CCDC178: variants seen among roughly 807,000 people sequenced by gnomAD.
CCDC178 encodes the protein coiled-coil domain containing 178, also known as coiled-coil domain-containing protein 178.
Under a neutral mutation model 117.4 loss-of-function variants are expected in CCDC178, and 126 were observed. The observed-to-expected ratio is 1.07, with a 90% CI of 0.93 to 1.24. The LOEUF (loss-of-function observed/expected upper bound fraction) is 1.24, where lower values mean the gene tolerates loss of function less well. CCDC178 is among the 50% of genes most tolerant of loss of function. The probability of loss-of-function intolerance (pLI) is 0.00; values close to 1 mark genes in which losing one functional copy is unlikely to be tolerated. For missense variants in CCDC178, 1,030 were observed against 986.9 expected (o/e 1.04, Z -0.59); for synonymous variants, 283 against 313.4 (o/e 0.90, Z 1.02).
At chr18:33,025,844 C>T (rs1189138808) in intron 21 of CCDC178, among the ~76,000 whole-genome samples, 1 of 152,110 alleles carries the variant, frequency 6.6e-6, no homozygotes, top group Non-Finnish European at 1.5e-5. Flanking sequence ...CACTTAATTA[C>T]CATATGACCA....
At chr18:33,285,498 A>G (rs987655765) in intron 12 of CCDC178, among the ~76,000 whole-genome samples, 2 of 152,196 alleles carry the variant, frequency 1.3e-5, no homozygotes, top group African/African-American at 4.8e-5. Context: ...TCCTGATAAG[A>G]GCATCTATCA....
At chr18:33,297,029 A>G (rs907586416) in intron 11 of CCDC178, among the ~76,000 whole-genome samples, 1 of 152,196 alleles carries the variant, frequency 6.6e-6, no homozygotes, top group Non-Finnish European at 1.5e-5. Context: ...ATCTCAAATA[A>G]TAAACAAATA....
chr18:32,989,994 A>G (rs752044944), intron 21 of CCDC178, among the ~76,000 whole-genome samples: 1 of 152,180 alleles, frequency 6.6e-6, no homozygotes, highest in Non-Finnish European at 1.5e-5. Flanking sequence ...CACTGGAAAT[A>G]CATTGTTCGC....
chr18:33,262,221 T>C (rs1383106507), intron 14 of CCDC178, among the ~76,000 whole-genome samples: 1 of 152,202 alleles, frequency 6.6e-6, no homozygotes, highest in African/African-American at 2.4e-5. Flanking sequence ...ATTTGCCTGA[T>C]AATTTAAAGT....
intron 9 of CCDC178, among the ~76,000 whole-genome samples, chr18:33,341,282 A>G (rs549479642): frequency 6.6e-6 from 1 of 152,236 alleles, no homozygotes. Context: ...CCCAATACCC[A>G]TACCTCCATT....
chr18:33,011,039 G>C (rs2055852951), intron 21 of CCDC178, among the ~76,000 whole-genome samples: 1 of 152,062 alleles, frequency 6.6e-6, no homozygotes, highest in Non-Finnish European at 1.5e-5. Context: ...TTTGGATTTA[G>C]GTCAGGCACC....
intron 16 of CCDC178, among the ~76,000 whole-genome samples, chr18:33,225,733 G>A (rs764280643): frequency 7.2e-5 from 11 of 152,190 alleles, no homozygotes; most frequent in Non-Finnish European, 1.2e-4. Flanking sequence ...AGAAATAAAT[G>A]AGGAAGTTTA....
At chr18:33,328,602 A>C (rs559917566) in intron 10 of CCDC178, among the ~76,000 whole-genome samples, 78 of 152,304 alleles carry the variant, frequency 5.1e-4, no homozygotes, top group Middle Eastern at 6.8e-3. Flanking sequence ...GCACCTTGTT[A>C]AAAATCAATT....
At chr18:33,178,305 G>T (rs2058687841) in intron 20 of CCDC178, among the ~76,000 whole-genome samples, 1 of 152,056 alleles carries the variant, frequency 6.6e-6, no homozygotes. Context: ...AGTGACTAAG[G>T]TTTCAGCAAA....
chr18:33,168,959 A>T (rs1445335320), intron 20 of CCDC178, among the ~76,000 whole-genome samples: 1 of 152,170 alleles, frequency 6.6e-6, no homozygotes, highest in African/African-American at 2.4e-5. Context: ...TTTGACAGCT[A>T]TTGTTCAGTG....
intron 21 of CCDC178, among the ~76,000 whole-genome samples, chr18:33,000,173 T>G (rs1172384145): frequency 6.6e-6 from 1 of 151,146 alleles, no homozygotes; most frequent in African/African-American, 2.4e-5. Context: ...CCAAGAGAAA[T>G]TCTGGAGTTG....
intron 20 of CCDC178, among the ~76,000 whole-genome samples, chr18:33,118,766 C>T (rs2057893949): frequency 6.6e-6 from 1 of 152,130 alleles, no homozygotes; most frequent in South Asian, 2.1e-4. Context: ...AAGCTGAAGG[C>T]ATCATGCTAC....
At chr18:33,084,886 C>G (rs1392311016) in intron 21 of CCDC178, among the ~76,000 whole-genome samples, 1 of 152,032 alleles carries the variant, frequency 6.6e-6, no homozygotes, top group Non-Finnish European at 1.5e-5. Context: ...ATCCCTCATG[C>G]CTGGTCTTAT....
intron 22 of CCDC178, among the ~76,000 whole-genome samples, chr18:32,948,717 T>C (rs2054409929): frequency 6.6e-6 from 1 of 152,136 alleles, no homozygotes; most frequent in African/African-American, 2.4e-5. Flanking sequence ...ACTTTTTACT[T>C]ATTCATATTT....
chr18:33,220,213 A>T (rs2059214533), intron 18 of CCDC178, among the ~76,000 whole-genome samples: 1 of 152,096 alleles, frequency 6.6e-6, no homozygotes, highest in Admixed American at 6.6e-5. Context: ...TTTGTAGAAA[A>T]GGCAATGGGG....
intron 5 of CCDC178, among the ~76,000 whole-genome samples, chr18:33,387,420 AAAAC>A (rs1363699743): frequency 6.6e-6 from 1 of 152,204 alleles, no homozygotes; most frequent in African/African-American, 2.4e-5. Flanking sequence ...AGCAAAAAAT[AAAAC>A]AAACCTGGAA....
At chr18:33,362,526 G>C (rs2063145208) in intron 6 of CCDC178, among the ~76,000 whole-genome samples, 1 of 151,622 alleles carries the variant, frequency 6.6e-6, no homozygotes, top group African/African-American at 2.4e-5. Context: ...ATTATATTAG[G>C]GATTTTTGTT....
intron 6 of CCDC178, among the ~76,000 whole-genome samples, chr18:33,369,197 A>G (rs1323642572): frequency 6.6e-6 from 1 of 151,972 alleles, no homozygotes; most frequent in Non-Finnish European, 1.5e-5. Flanking sequence ...AACAGTGACA[A>G]ATATATATTG....
chr18:33,421,588 A>G (rs1167868964), intron 2 of CCDC178, among the ~76,000 whole-genome samples: 1 of 152,222 alleles, frequency 6.6e-6, no homozygotes, highest in Non-Finnish European at 1.5e-5. Context: ...TAGTTGTTAA[A>G]CATTTATGAG....
Sources: gnomAD v4.1 joint callset for allele counts (sites outside exome capture counted in the v4.1 genomes callset) on GRCh38, gnomAD v4.1.1 for gene constraint, MANE v1.5 for transcripts, NCBI Gene and HGNC (gene_info 2026-07-23, HGNC 2026-07-21) for gene names.